Variants in MYO19 observed in about 807,000 individuals in gnomAD.
MYO19 encodes the protein unconventional myosin-XIX.
MYO19 carries 132 observed loss-of-function variants against 129.2 expected under a neutral mutation model. That is an observed-to-expected ratio of 1.02 (90% confidence interval 0.89 to 1.18). The LOEUF (loss-of-function observed/expected upper bound fraction) is 1.18, where lower values mean the gene tolerates loss of function less well. Among genes scored for constraint, MYO19 ranks in the 50% most tolerant of loss-of-function variants. MYO19 has a pLI of 0.00. For synonymous variants in MYO19, 531 were observed against 477.2 expected, an observed-to-expected ratio of 1.11 and a Z score of -1.47; for missense variants, 1,210 against 1,216.7, an observed-to-expected ratio of 0.99 and a Z score of 0.08.
Position 36,525,315 on chromosome 17 carries a change from C to T in MYO19, c.327G>A (p.Val109=), listed in dbSNP as rs372905562. The stretch of plus-strand genomic sequence containing the variant: ...TGACATTCCTGTAGGTCTGTTCACC[C>T]ACAGTGAACACATGGGGCTTCAGTT... The part of the protein sequence containing the change: ...PQKLKPHVFT[V]GEQTYRNVKS... The change falls in exon 6 of 26, where the codon GTG becomes GTA. Residue 109 remains valine (V), a synonymous_variant. Transcript: ENST00000614623. 112 of 1,612,592 alleles carry T rather than the reference C, an allele frequency of 6.9e-5. No homozygotes were observed. Among genetic ancestry groups the T allele is most frequent in the Non-Finnish European group, 9.2e-5 (108 of 1,178,842 alleles).
rs970916797 is a variant in MYO19 at position 36,495,879 on chromosome 17, C to T, written c.*372G>A. On this transcript the variant is annotated 3_prime_UTR_variant, in exon 26 of 26. Coordinates refer to ENST00000614623, the MANE Select transcript of MYO19 (RefSeq NM_001163735.2). ...AGATTTTTCCCAGCCCAAATTCCAG[C>T]GCCAATTTTAGGCCAACTTTGGCTG... is the stretch of plus-strand genomic sequence containing the variant. The T allele has an allele frequency of 1.4e-5, 17 of 1,237,042 alleles. No individual in the cohort carries two copies. The highest frequency in any genetic ancestry group is 9.4e-5 in the East Asian group (3 of 32,014). 76.6% of individuals were successfully genotyped at this position (1,237,042 alleles called of 1,614,324 possible). A position where few individuals can be genotyped will look rare whatever the true frequency, so the allele number is the denominator to read the frequency against.
At chr17:36,506,675 C>T in intron 17 of MYO19, 67 bp from the exon 18 acceptor site, 2 of 1,484,274 alleles carry the variant, frequency 1.3e-6, no homozygotes, top group Non-Finnish European at 1.8e-6. Flanking sequence ...ATCCACTGCC[C>T]ACCCAAGCCG....
chr17:36,496,247 AG>A lies in MYO19; in HGVS notation c.*3del. 1.9e-6 allele frequency: 3 copies of A among 1,613,720 alleles called. No homozygotes were observed. Among genetic ancestry groups the A allele is most frequent in the Non-Finnish European group, 2.5e-6 (3 of 1,179,696 alleles). The stretch of plus-strand genomic sequence containing the variant: ...AGGCCTTGTGGAAACAAAGGCACCA[AG>A]GATCACCCCAGCCCAGTGAAGGCAG... On this transcript the variant is annotated 3_prime_UTR_variant, in exon 26 of 26. Coordinates refer to ENST00000614623, the MANE Select transcript of MYO19 (RefSeq NM_001163735.2).
intron 7 of MYO19, among the ~76,000 whole-genome samples, 173 bp from the exon 8 acceptor site, chr17:36,515,355 G>C (rs1007602306): frequency 1.3e-5 from 2 of 152,138 alleles, no homozygotes; most frequent in African/African-American, 2.4e-5. Flanking sequence ...TCATGCTTTA[G>C]CAAGTGGGAT....
intron 3 of MYO19, among the ~76,000 whole-genome samples, chr17:36,531,522 T>A (rs539312998): frequency 6.6e-6 from 1 of 152,108 alleles, no homozygotes; most frequent in Non-Finnish European, 1.5e-5. Context: ...CTACATACTT[T>A]AAAAACATTG....
At position 36,498,459 on chromosome 17, in the gene MYO19, C is replaced by G. The variant is rs2071205636; in HGVS notation, c.2564G>C (p.Arg855Thr). The G allele has an allele frequency of 1.9e-6, 3 of 1,614,048 alleles. No individual in the cohort carries two copies. Among genetic ancestry groups the G allele is most frequent in the Non-Finnish European group, 2.5e-6 (3 of 1,179,890 alleles). Residue 855 changes from arginine to threonine, a missense_variant, in exon 25 of 26, where the codon AGG (arginine) becomes ACG (threonine). Transcript: ENST00000614623. Reference protein sequence around the residue: ...CSLSTSPLQTRLLEAIIRLWP... With the variant: ...CSLSTSPLQTTLLEAIIRLWP... The stretch of plus-strand genomic sequence containing the variant: ...GAGGCGGATTATTGCCTCCAGGAGC[C>G]TGGTCTGCAGCGGCGAGGTGCTCAG...
At chr17:36,497,456 C>A in intron 25 of MYO19, 1 of 829,094 alleles carries the variant, frequency 1.2e-6, no homozygotes, top group Non-Finnish European at 1.5e-6. Context: ...AGGTAACAAA[C>A]TCCTCACAAC....
chr17:36,504,263 C>T (rs1159101703), intron 19 of MYO19: 1 of 482,948 alleles, frequency 2.1e-6, no homozygotes, highest in East Asian at 3.4e-5. Flanking sequence ...GCTTCTGATA[C>T]AGCTGAAGCA....
intron 1 of MYO19, among the ~76,000 whole-genome samples, chr17:36,534,503 C>T (rs1246707032): frequency 6.6e-6 from 1 of 152,198 alleles, no homozygotes; most frequent in Non-Finnish European, 1.5e-5. Flanking sequence ...ACCCTCTCCC[C>T]CCAGGCCGCC....
chr17:36,503,801 G>A (rs1330520251), intron 20 of MYO19, 149 bp downstream of exon 20: 6 of 582,446 alleles, frequency 1.0e-5, no homozygotes, highest in Non-Finnish European at 1.1e-5. Flanking sequence ...AATGGGTGCT[G>A]CTCCCTAGTT....
In MYO19 at chr17:36,534,742, G is replaced by A. The variant is rs570472915; in HGVS notation, c.-296+19C>T. On this transcript the variant is annotated intron_variant, in intron 1 of 25. Coordinates refer to ENST00000614623, the MANE Select transcript of MYO19 (RefSeq NM_001163735.2). ...CCGCGTCTGAAGGGCTTCAGATATAGGTTCGGGTTGACACTCACCGGTCCC... is the reference window on the plus strand; with the variant it reads ...CCGCGTCTGAAGGGCTTCAGATATAAGTTCGGGTTGACACTCACCGGTCCC... 1 of 152,380 alleles carries A rather than the reference G, an allele frequency of 6.6e-6. No homozygotes were observed. The highest frequency in any genetic ancestry group is 2.1e-4 in the South Asian group (1 of 4,828). The allele number at this position is 152,380 out of a possible 1,614,324, so 9.4% of individuals were successfully genotyped here. A position where few individuals can be genotyped will look rare whatever the true frequency, so the allele number is the denominator to read the frequency against.
Position 36,506,580 on chromosome 17 carries a change from A to G in MYO19, c.1673T>C (p.Leu558Pro). Reference protein sequence around the residue: ...KDPIPPELTRLLQQSQDPLLM... With the variant: ...KDPIPPELTRPLQQSQDPLLM... The stretch of plus-strand genomic sequence containing the variant: ...CAGGGGGTCCTGGGATTGCTGCAGG[A>G]GCCTGGTCAGCTCAGGTGGGATAGG... Residue 558 changes from leucine to proline, a missense_variant, in exon 18 of 26, where the codon CTC becomes CCC. Leu to Pro is a moderately conservative substitution (Grantham distance 98). Transcript: ENST00000614623. 1.3e-6 allele frequency: 2 copies of G among 1,556,730 alleles called. No individual in the cohort carries two copies. Among genetic ancestry groups the G allele is most frequent in the Non-Finnish European group, 1.7e-6 (2 of 1,157,462 alleles).
chr17:36,537,870 C>T (rs1443162556), upstream of MYO19: 1 of 1,614,032 alleles, frequency 6.2e-7, no homozygotes, highest in Non-Finnish European at 8.5e-7. Context: ...GATTATTTTT[C>T]CCCTAAATAA....
At position 36,495,700 on chromosome 17, in the gene MYO19, T is replaced by G; in HGVS notation, c.*551A>C. 4 of 1,257,642 alleles carry G rather than the reference T, an allele frequency of 3.2e-6. No individual in the cohort carries two copies. Among genetic ancestry groups the G allele is most frequent in the Non-Finnish European group, 4.0e-6 (4 of 1,003,260 alleles). The allele number at this position is 1,257,642 out of a possible 1,614,324, so 77.9% of individuals were successfully genotyped here. A position where few individuals can be genotyped will look rare whatever the true frequency, so the allele number is the denominator to read the frequency against. On this transcript the variant is annotated 3_prime_UTR_variant, in exon 26 of 26. Transcript: ENST00000614623. Reference sequence around the variant, plus strand: ...ATCATAAACGATATCAAGCTTACACTTCATATGGAGTTAAACTTGGTCAGT... The same window carrying G: ...ATCATAAACGATATCAAGCTTACACGTCATATGGAGTTAAACTTGGTCAGT...
In MYO19 at chr17:36,532,551, T is replaced by C. The variant is rs774158322; in HGVS notation, c.-13A>G. 10 of 1,554,394 alleles carry C rather than the reference T, an allele frequency of 6.4e-6. No homozygotes were observed. In the Admixed American group the frequency reaches 7.8e-5, roughly 12 times the overall value. Reference sequence around the variant, plus strand: ...CCTGCTGGAGCATCCTCCTTCAAAGTGGTCAGCCAGGGTTCTGGGTTGCAG... The same window carrying C: ...CCTGCTGGAGCATCCTCCTTCAAAGCGGTCAGCCAGGGTTCTGGGTTGCAG... On this transcript the variant is annotated 5_prime_UTR_variant, in exon 3 of 26. Transcript: ENST00000614623.
intron 6 of MYO19, among the ~76,000 whole-genome samples, chr17:36,521,931 T>C (rs978588727): frequency 1.6e-4 from 24 of 147,616 alleles, no homozygotes; most frequent in Admixed American, 5.6e-4. Flanking sequence ...CTTGGGAAGC[T>C]GAGGCAGGAG....
chr17:36,529,174 T>C (rs1192534555), intron 3 of MYO19, among the ~76,000 whole-genome samples: 1 of 152,058 alleles, frequency 6.6e-6, no homozygotes, highest in African/African-American at 2.4e-5. Flanking sequence ...CCTTTCTTTT[T>C]TAAGAGATGG....
At chr17:36,519,231 A>G (rs886099858) in intron 6 of MYO19, among the ~76,000 whole-genome samples, 4 of 152,144 alleles carry the variant, frequency 2.6e-5, no homozygotes, top group African/African-American at 9.7e-5. Context: ...TTTCAATGAG[A>G]GCAGATTTTA....
In MYO19 at chr17:36,495,751, A is replaced by AATTG; in HGVS notation, c.*499_*500insCAAT. On this transcript the variant is annotated 3_prime_UTR_variant, in exon 26 of 26. Coordinates refer to ENST00000614623, the MANE Select transcript of MYO19 (RefSeq NM_001163735.2). Reference sequence around the variant, plus strand: ...GTTAATAAAATCAAAACGTGATTCTACTGTACATTGCATTATTCATAATTT... The same window carrying AATTG: ...GTTAATAAAATCAAAACGTGATTCTAATTGCTGTACATTGCATTATTCATAATTT... 1 of 1,248,138 alleles carries AATTG rather than the reference A, an allele frequency of 8.0e-7. No individual in the cohort carries two copies. Among genetic ancestry groups the AATTG allele is most frequent in the Non-Finnish European group, 1.0e-6 (1 of 997,450 alleles). The allele number at this position is 1,248,138 out of a possible 1,614,324, so 77.3% of individuals were successfully genotyped here. A position where few individuals can be genotyped will look rare whatever the true frequency, so the allele number is the denominator to read the frequency against.
Sources: gnomAD v4.1 joint callset for allele counts (sites outside exome capture counted in the v4.1 genomes callset) on GRCh38, gnomAD v4.1.1 for gene constraint, MANE v1.5 for transcripts, NCBI Gene and HGNC (gene_info 2026-07-23, HGNC 2026-07-21) for gene names.